The following CAPN8 variants were observed in gnomAD, a reference collection of about 807,000 sequenced individuals.
The protein encoded by CAPN8 is calpain-8.
CAPN8 carries 87 observed loss-of-function variants against 80.9 expected under a neutral mutation model. The observed-to-expected ratio is 1.07, with a 90% CI of 0.90 to 1.28. The LOEUF (loss-of-function observed/expected upper bound fraction) is 1.28. Among genes scored for constraint, CAPN8 ranks in the 50% most tolerant of loss-of-function variants. The probability of loss-of-function intolerance (pLI) is 0.00; values close to 1 mark genes in which losing one functional copy is unlikely to be tolerated. For missense variants in CAPN8, 757 were observed against 702.0 expected (o/e 1.08, Z -0.89); for synonymous variants, 299 against 273.8 (o/e 1.09, Z -0.91).
intron 2 of CAPN8, among the ~76,000 whole-genome samples, chr1:223,632,043 A>G (rs1657788583): frequency 6.6e-6 from 1 of 152,132 alleles, no homozygotes; most frequent in South Asian, 2.1e-4. Flanking sequence ...CGTTGCTGAC[A>G]TCAAATGAGG....
At position 223,549,352 on chromosome 1, in the gene CAPN8, A is replaced by T; in HGVS notation, c.1730T>A (p.Ile577Asn). The change falls in exon 16 of 21, where the codon ATC (isoleucine) becomes AAC (asparagine). Residue 577 changes from isoleucine (I) to asparagine (N), a missense_variant. Coordinates refer to ENST00000366872, the MANE Select transcript of CAPN8 (RefSeq NM_001143962.2). Reference protein sequence around the residue: ...RTDIKFDGFNINTCREMISLL... With the variant: ...RTDIKFDGFNNNTCREMISLL... Reference sequence around the variant, plus strand: ...ACTGATCATTTCCCTGCAAGTGTTGATGTTGAATCCATCGAATTTTATGTC... The same window carrying T: ...ACTGATCATTTCCCTGCAAGTGTTGTTGTTGAATCCATCGAATTTTATGTC... The T allele has an allele frequency of 1.9e-6, 3 of 1,551,914 alleles. No individual in the cohort carries two copies. The highest frequency in any genetic ancestry group is 2.6e-6 in the Non-Finnish European group (3 of 1,147,048).
intron 14 of CAPN8, among the ~76,000 whole-genome samples, chr1:223,551,300 G>A (rs1289218682): frequency 6.6e-6 from 1 of 152,068 alleles, no homozygotes; most frequent in Non-Finnish European, 1.5e-5. Flanking sequence ...GTGCCACCAC[G>A]CCTGGCTAAT....
chr1:223,656,786 C>T (rs1658506388), intron 1 of CAPN8, among the ~76,000 whole-genome samples: 1 of 151,304 alleles, frequency 6.6e-6, no homozygotes. Context: ...CGGGTTCACG[C>T]CCTTCTCCTG....
intron 2 of CAPN8, 55 bp downstream of exon 2, chr1:223,654,275 A>C (rs1658418782): frequency 2.8e-6 from 4 of 1,433,342 alleles, no homozygotes; most frequent in Non-Finnish European, 3.8e-6. Flanking sequence ...TTTACTCATG[A>C]CACATACACA....
chr1:223,664,810 G>A (rs1031448545), intron 1 of CAPN8, among the ~76,000 whole-genome samples: 4 of 152,164 alleles, frequency 2.6e-5, no homozygotes, highest in South Asian at 2.1e-4. Context: ...GTGGTGGCAC[G>A]TGCCTATAAT....
intron 2 of CAPN8, among the ~76,000 whole-genome samples, chr1:223,648,757 A>G (rs549458486): frequency 2.0e-5 from 3 of 152,376 alleles, no homozygotes; most frequent in African/African-American, 7.2e-5. Flanking sequence ...ATGCAACAAA[A>G]ATGAAAAAGA....
chr1:223,642,565 G>T (rs1658073398), intron 2 of CAPN8: 2 of 325,984 alleles, frequency 6.1e-6, no homozygotes, highest in South Asian at 2.5e-5. Context: ...TGGGCCAGGG[G>T]GGTCTTCGGC....
At chr1:223,630,834 A>G (rs1267851069) in intron 2 of CAPN8, among the ~76,000 whole-genome samples, 1 of 152,168 alleles carries the variant, frequency 6.6e-6, no homozygotes, top group Non-Finnish European at 1.5e-5. Context: ...TCACCAAAGA[A>G]GCCTCAAGCA....
At chr1:223,543,971 C>A (rs1656543556) in intron 19 of CAPN8, 96 bp downstream of exon 19, 15 of 662,502 alleles carry the variant, frequency 2.3e-5, no homozygotes. Context: ...CCCTGGCCTC[C>A]TAAAGGCAAT....
intron 2 of CAPN8, among the ~76,000 whole-genome samples, chr1:223,634,308 G>C (rs1258575847): frequency 6.6e-6 from 1 of 152,126 alleles, no homozygotes. Flanking sequence ...AGCCAGGAAA[G>C]GTCCACTGGA....
At chr1:223,662,963 C>T (rs1431234069) in intron 1 of CAPN8, among the ~76,000 whole-genome samples, 1 of 152,186 alleles carries the variant, frequency 6.6e-6, no homozygotes, top group Non-Finnish European at 1.5e-5. Flanking sequence ...GAGCATGAGC[C>T]TGCCCAAAAG....
At chr1:223,653,333 T>G (rs1488698701) in intron 2 of CAPN8, among the ~76,000 whole-genome samples, 1 of 151,870 alleles carries the variant, frequency 6.6e-6, no homozygotes, top group Admixed American at 6.6e-5. Flanking sequence ...GAGAGAACAT[T>G]GGAAGCGTTT....
intron 10 of CAPN8, among the ~76,000 whole-genome samples, chr1:223,614,783 A>G (rs1226764010): frequency 1.3e-5 from 2 of 152,206 alleles, no homozygotes; most frequent in East Asian, 3.8e-4. Context: ...TGCTCACTAC[A>G]GTTTGTTGAA....
At chr1:223,626,409 G>C (rs1657579150) in intron 5 of CAPN8, among the ~76,000 whole-genome samples, 1 of 152,102 alleles carries the variant, frequency 6.6e-6, no homozygotes, top group Admixed American at 6.5e-5. Context: ...AAAATCACCA[G>C]GTAAGGACAA....
At chr1:223,609,930 T>G (rs1008759133) in intron 11 of CAPN8, among the ~76,000 whole-genome samples, 2 of 152,136 alleles carry the variant, frequency 1.3e-5, no homozygotes, top group East Asian at 3.9e-4. Context: ...CTAGGCCTAG[T>G]CTGGGGTCCC....
intron 1 of CAPN8, among the ~76,000 whole-genome samples, chr1:223,657,768 AAAAT>A (rs1658538557): frequency 6.6e-6 from 1 of 152,204 alleles, no homozygotes; most frequent in Non-Finnish European, 1.5e-5. Context: ...TCTGTCTCAA[AAAAT>A]AAATAAATAG....
At chr1:223,628,897 G>T in intron 2 of CAPN8, 117 bp from the exon 3 acceptor site, 1 of 745,662 alleles carries the variant, frequency 1.3e-6, no homozygotes, top group Non-Finnish European at 2.2e-6. Context: ...TTCTGAGTCA[G>T]GTAGAGTTTC....
intron 1 of CAPN8, among the ~76,000 whole-genome samples, chr1:223,664,340 T>A (rs1658731116): frequency 6.6e-6 from 1 of 152,238 alleles, no homozygotes; most frequent in Non-Finnish European, 1.5e-5. Context: ...ACAATTTACC[T>A]GCCAGCTGAT....
In CAPN8 at chr1:223,545,284, T is replaced by C. The variant is rs1656590526; in HGVS notation, c.1780A>G (p.Thr594Ala). The part of the protein sequence containing the change: ...ISLLDSNGTG[T>A]LGAVEFKTLW... ...GTCTTGAATTCCACCGCCCCCAAAG[T>C]GCCCGTTCCATTGCTCTAGGCACAT... is the stretch of plus-strand genomic sequence containing the variant. Residue 594 changes from threonine to alanine, a missense_variant, in exon 17 of 21, where the codon ACT becomes GCT. Transcript: ENST00000366872. 1 of 1,551,630 alleles carries C rather than the reference T, an allele frequency of 6.4e-7. No homozygotes were observed. The highest frequency in any genetic ancestry group is 1.2e-5 in the South Asian group (1 of 84,050).
Sources: gnomAD v4.1 joint callset for allele counts (sites outside exome capture counted in the v4.1 genomes callset) on GRCh38, gnomAD v4.1.1 for gene constraint, MANE v1.5 for transcripts, NCBI Gene and HGNC (gene_info 2026-07-23, HGNC 2026-07-21) for gene names.